Variants in UBTF observed in about 807,000 individuals in gnomAD.
UBTF encodes upstream binding transcription factor, also known as nucleolar transcription factor 1.
UBTF carries 8 observed loss-of-function variants against 112.3 expected under a neutral mutation model. The ratio of observed to expected loss-of-function variants is 0.07; its 90% CI spans 0.04 to 0.13. The LOEUF (loss-of-function observed/expected upper bound fraction) is 0.13. Among genes scored for constraint, UBTF ranks in the 10% least tolerant of loss-of-function variants. UBTF has a pLI of 1.00. For synonymous variants in UBTF, 417 were observed against 373.1 expected, an observed-to-expected ratio of 1.12 and a Z score of -1.36; for missense variants, 457 against 982.1, an observed-to-expected ratio of 0.47 and a Z score of 7.15.
Position 44,210,409 on chromosome 17 carries a change from C to T in UBTF, c.1424G>A (p.Arg475His), listed in dbSNP as rs1186525781. 1 of 1,613,992 alleles carries T rather than the reference C, an allele frequency of 6.2e-7. No individual in the cohort carries two copies. Among genetic ancestry groups the T allele is most frequent in the Non-Finnish European group, 8.5e-7 (1 of 1,180,038 alleles). The change falls in exon 14 of 21, where the codon CGC (arginine) becomes CAC (histidine). Residue 475 changes from arginine to histidine, a missense_variant. Around this residue, in one of 7 missense-constraint regions of UBTF, gnomAD observed 108 missense variants for 137.4 expected, o/e 0.79. Coordinates refer to ENST00000436088, the MANE Select transcript of UBTF (RefSeq NM_014233.4). Reference protein sequence around the residue: ...AQSERKPGGEREERGKLPESP... With the variant: ...AQSERKPGGEHEERGKLPESP... Reference sequence around the variant, plus strand: ...CTCGGGCAGCTTGCCCCGTTCCTCGCGCTCCCCGCCGGGCTTCCTCTCCGA... The same window carrying T: ...CTCGGGCAGCTTGCCCCGTTCCTCGTGCTCCCCGCCGGGCTTCCTCTCCGA...
At chr17:44,212,681 G>C (rs1029526823) in intron 7 of UBTF, 138 bp downstream of exon 7, 20 of 1,457,302 alleles carry the variant, frequency 1.4e-5, no homozygotes, top group South Asian at 1.3e-4. Flanking sequence ...CAGCTGGCCC[G>C]GGCCCTGTCC....
rs1010386030 is a variant in UBTF, at chr17:44,205,211, G to A, written c.*2031C>T. ...CCTTAAATATTAGAAAAGAAGTTGG[G>A]GGTGGGGATGGGGGTCTTCCCACCC... On this transcript the variant is annotated 3_prime_UTR_variant, in exon 21 of 21. Coordinates refer to ENST00000436088, the MANE Select transcript of UBTF (RefSeq NM_014233.4). 2 of 152,542 alleles carry A rather than the reference G, an allele frequency of 1.3e-5. No homozygotes were observed. Among genetic ancestry groups the A allele is most frequent in the African/African-American group, 2.4e-5 (1 of 41,400 alleles). 9.4% of individuals were successfully genotyped at this position (152,542 alleles called of 1,614,324 possible).
At chr17:44,216,901 A>C (rs2046871600) in intron 2 of UBTF, among the ~76,000 whole-genome samples, 197 bp from the exon 3 acceptor site, 1 of 152,234 alleles carries the variant, frequency 6.6e-6, no homozygotes, top group Non-Finnish European at 1.5e-5. Flanking sequence ...ACTCCAGTCC[A>C]GACCATGCTA....
intron 3 of UBTF, 172 bp from the exon 4 acceptor site, chr17:44,216,161 C>A (rs1220125907): frequency 3.1e-6 from 2 of 643,494 alleles, no homozygotes; most frequent in Non-Finnish European, 2.7e-6. Flanking sequence ...CAGGCACTGG[C>A]CCATGCCTAC....
At chr17:44,212,271 T>C in intron 8 of UBTF, 73 bp downstream of exon 8, 1 of 1,313,212 alleles carries the variant, frequency 7.6e-7, no homozygotes, top group Non-Finnish European at 1.1e-6. Flanking sequence ...TCCCGCAGAG[T>C]GCGGTGGCCA....
At chr17:44,215,344 G>A (rs189313546) in intron 5 of UBTF, 19 of 334,792 alleles carry the variant, frequency 5.7e-5, no homozygotes, top group East Asian at 1.8e-4. Flanking sequence ...GAAGTGCTGC[G>A]GAGCCTAACA....
rs2056230918 is a variant in UBTF, at chr17:44,206,228, C to G, written c.*1014G>C. On this transcript the variant is annotated 3_prime_UTR_variant, in exon 21 of 21. Coordinates refer to ENST00000436088, the MANE Select transcript of UBTF (RefSeq NM_014233.4). ...GTGACTCTGGCAGAGGGAGCCTGGT[C>G]TGGGAAGCATCCGAGAATGGCTTCA... 6.6e-6 allele frequency: 1 copy of G among 152,056 alleles called. No homozygotes were observed. The highest frequency in any genetic ancestry group is 2.1e-4 in the South Asian group (1 of 4,812). 9.4% of individuals were successfully genotyped at this position (152,056 alleles called of 1,614,324 possible). A position where few individuals can be genotyped will look rare whatever the true frequency, so the allele number is the denominator to read the frequency against.
chr17:44,218,363 G>A (rs1357422775), intron 1 of UBTF, 67 bp from the exon 2 acceptor site: 5 of 895,722 alleles, frequency 5.6e-6, no homozygotes, highest in East Asian at 5.1e-5. Context: ...CTTTCTAACC[G>A]CCCAGAGTAG....
At chr17:44,213,440 C>A in intron 5 of UBTF, 158 bp from the exon 6 acceptor site, 2 of 733,956 alleles carry the variant, frequency 2.7e-6, no homozygotes, top group Non-Finnish European at 4.3e-6. Flanking sequence ...CGGGACTCAC[C>A]ACAGAGCAGA....
At chr17:44,210,603 C>T (rs2056601018) in intron 13 of UBTF, 130 bp from the exon 14 acceptor site, 4 of 1,390,188 alleles carry the variant, frequency 2.9e-6, no homozygotes, top group East Asian at 2.7e-5. Flanking sequence ...GCCTGGGGCT[C>T]GCCCCCGCCT....
At chr17:44,220,798 T>C (rs913066358), upstream of UBTF, 12 of 151,876 alleles carry the variant, frequency 7.9e-5, no homozygotes, top group Admixed American at 3.3e-4. Flanking sequence ...GGCCGAACAG[T>C]CGAGCCGCAG....
At chr17:44,221,140 TC>T (rs1363807289), upstream of UBTF, 3 of 152,132 alleles carry the variant, frequency 2.0e-5, no homozygotes, top group East Asian at 3.9e-4. Context: ...CTTTTTTTTT[TC>T]TTTTTGCAGG....
At position 44,211,366 on chromosome 17, in the gene UBTF, G is replaced by C; in HGVS notation, c.1048-35C>G. The C allele has an allele frequency of 6.2e-7, 1 of 1,613,124 alleles. No homozygotes were observed. The highest frequency in any genetic ancestry group is 8.5e-7 in the Non-Finnish European group (1 of 1,179,662). On this transcript the variant is annotated intron_variant, in intron 10 of 20. Coordinates refer to ENST00000436088, the MANE Select transcript of UBTF (RefSeq NM_014233.4). The surrounding 1 kb of genome is among the most constrained non-coding windows in gnomAD (Gnocchi z 4.9). ...TGAGTGGAGTCAGGATCAGTCTGGA[G>C]ACAGTGTCACCACAGACCCTGCAGT...
At chr17:44,218,423 T>C (rs1474989020) in intron 1 of UBTF, 127 bp from the exon 2 acceptor site, 1 of 594,104 alleles carries the variant, frequency 1.7e-6, no homozygotes, top group Non-Finnish European at 3.0e-6. Flanking sequence ...CTTATTAGAC[T>C]TAAGGGGTCT....
In UBTF at chr17:44,207,232, G is replaced by A; in HGVS notation, c.*10C>T. On this transcript the variant is annotated 3_prime_UTR_variant, in exon 21 of 21. Coordinates refer to ENST00000436088, the MANE Select transcript of UBTF (RefSeq NM_014233.4). ...GGCTCTCCCTGGCTGCCCTGGGGTG[G>A]GGCTGAGCCTCAGTTGGAGTCAGAG... 2 of 1,613,440 alleles carry A rather than the reference G, an allele frequency of 1.2e-6. No individual in the cohort carries two copies. The highest frequency in any genetic ancestry group is 1.7e-6 in the Non-Finnish European group (2 of 1,179,820).
Position 44,207,757 on chromosome 17 carries a change from A to G in UBTF, c.1967T>C (p.Met656Thr), listed in dbSNP as rs749349280. Residue 656 changes from methionine (M) to threonine (T), a missense_variant, in exon 19 of 21, where the codon ATG becomes ACG. Around this residue, in one of 7 missense-constraint regions of UBTF, gnomAD observed 139 missense variants for 157.5 expected, o/e 0.88. Transcript: ENST00000436088. Reference sequence around the variant, plus strand: ...GGGGTTTGGGCCTCGCAGCTTGGTCATGCTCTTACGTTTCTGCAGGATGGG... The same window carrying G: ...GGGGTTTGGGCCTCGCAGCTTGGTCGTGCTCTTACGTTTCTGCAGGATGGG... Reference protein sequence around the residue: ...KEYISNKRKSMTKLRGPNPKS... With the variant: ...KEYISNKRKSTTKLRGPNPKS... 1 of 1,613,978 alleles carries G rather than the reference A, an allele frequency of 6.2e-7. No homozygotes were observed. Among genetic ancestry groups the G allele is most frequent in the Non-Finnish European group, 8.5e-7 (1 of 1,180,012 alleles).
Position 44,210,110 on chromosome 17 carries a change from A to G in UBTF, c.1626+14T>C. 1 of 1,612,748 alleles carries G rather than the reference A, an allele frequency of 6.2e-7. No homozygotes were observed. The highest frequency in any genetic ancestry group is 8.5e-7 in the Non-Finnish European group (1 of 1,178,684). ...AGCTTTCAATGAATGGGGTGGCCCC[A>G]GCCCCATTCCTACCTCATATCGCTT... On this transcript the variant is annotated intron_variant, in intron 15 of 20. Coordinates refer to ENST00000436088, the MANE Select transcript of UBTF (RefSeq NM_014233.4).
At chr17:44,221,128 G>T (rs1160107501), upstream of UBTF, 2 of 151,658 alleles carry the variant, frequency 1.3e-5, no homozygotes, top group Non-Finnish European at 2.9e-5. Flanking sequence ...AATGGTTTTC[G>T]TCTTTTTTTT....
In UBTF at chr17:44,206,594, C is replaced by T. The variant is rs1387923425; in HGVS notation, c.*648G>A. ...TGACAACAGAGACGGCAGCCGAGAT[C>T]GGTAGGAAACGTCTCGTTGACAGCT... On this transcript the variant is annotated 3_prime_UTR_variant, in exon 21 of 21. Coordinates refer to ENST00000436088, the MANE Select transcript of UBTF (RefSeq NM_014233.4). 1.3e-5 allele frequency: 2 copies of T among 149,116 alleles called. No individual in the cohort carries two copies. The highest frequency in any genetic ancestry group is 5.0e-5 in the African/African-American group (2 of 40,070). The allele number at this position is 149,116 out of a possible 1,614,324, so 9.2% of individuals were successfully genotyped here.
Sources: gnomAD v4.1 joint callset for allele counts (sites outside exome capture counted in the v4.1 genomes callset) on GRCh38, gnomAD v4.1.1 for gene constraint, gnomAD v4.1.1 regional missense constraint, Gnocchi (gnomAD v3.1) non-coding constraint, MANE v1.5 for transcripts, NCBI Gene and HGNC (gene_info 2026-07-23, HGNC 2026-07-21) for gene names.